The following NUP54 variants were observed in gnomAD, a reference collection of about 807,000 sequenced individuals.
The protein encoded by NUP54 is nucleoporin p54.
A neutral mutation model predicts 66.4 loss-of-function variants in NUP54; 27 were observed. That is an observed-to-expected ratio of 0.41 (90% confidence interval 0.30 to 0.56). NUP54 has a LOEUF of 0.56. Ranked by LOEUF, NUP54 falls within the 20% of genes least tolerant of loss-of-function variation. NUP54 has a pLI of 0.34. For synonymous variants in NUP54, 206 were observed against 210.7 expected (o/e 0.98, Z 0.19); for missense variants, 486 against 596.3 (o/e 0.82, Z 1.93).
In NUP54 at chr4:76,131,217, A is replaced by AAG; in HGVS notation, c.962+11_962+12dup. The stretch of plus-strand genomic sequence containing the variant: ...ATTAGTTCTTAAATGAAACAAGATG[A>AAG]AGACATACTTACTTTTCAGAATCAG... On this transcript the variant is annotated intron_variant, in intron 7 of 11. Coordinates refer to ENST00000264883, the MANE Select transcript of NUP54 (RefSeq NM_017426.4). 6.5e-7 allele frequency: 1 copy of AAG among 1,547,954 alleles called. No homozygotes were observed. Among genetic ancestry groups the AAG allele is most frequent in the Non-Finnish European group, 8.9e-7 (1 of 1,126,302 alleles).
intron 9 of NUP54, among the ~76,000 whole-genome samples, chr4:76,120,678 C>T (rs192723719): frequency 0.012 from 1,874 of 152,242 alleles, 40 homozygotes; most frequent in African/African-American, 0.042. Context: ...CCACCCGCCT[C>T]GGCCTCCCAG....
intron 3 of NUP54, among the ~76,000 whole-genome samples, chr4:76,138,273 G>A (rs958061065): frequency 6.6e-6 from 1 of 152,104 alleles, no homozygotes; most frequent in African/African-American, 2.4e-5. Context: ...TTTTACATGA[G>A]ATGAATCAAC....
chr4:76,124,779 G>T (rs1205923156), intron 8 of NUP54, 23 bp from the exon 9 acceptor site: 6 of 628,312 alleles, frequency 9.5e-6, no homozygotes, highest in South Asian at 1.5e-5. Context: ...AAATTGGGGG[G>T]GGGAGGGTTA....
At chr4:76,128,855 C>G (rs1730655318) in intron 8 of NUP54, among the ~76,000 whole-genome samples, 1 of 152,166 alleles carries the variant, frequency 6.6e-6, no homozygotes, top group Non-Finnish European at 1.5e-5. Context: ...TCTGCATGTT[C>G]TCACTCATAT....
chr4:76,132,480 A>T, intron 6 of NUP54, 43 bp downstream of exon 6: 1 of 1,480,330 alleles, frequency 6.8e-7, no homozygotes, highest in Non-Finnish European at 9.1e-7. Flanking sequence ...GTTTAGTTCT[A>T]AATCTTTCTT....
intron 3 of NUP54, among the ~76,000 whole-genome samples, chr4:76,137,331 G>C (rs1347128261): frequency 6.6e-6 from 1 of 152,008 alleles, no homozygotes; most frequent in Non-Finnish European, 1.5e-5. Flanking sequence ...TCCATTACCA[G>C]AACACAGATT....
rs1179289527 is a variant in NUP54, at chr4:76,115,149, G to C, written c.*217C>G. On this transcript the variant is annotated 3_prime_UTR_variant, in exon 12 of 12. Transcript: ENST00000264883. Reference sequence around the variant, plus strand: ...ATGCACTTCTTTTAAAGTAAATACAGCTTTTAGATATAAATCTTTCAAAGG... The same window carrying C: ...ATGCACTTCTTTTAAAGTAAATACACCTTTTAGATATAAATCTTTCAAAGG... 1 of 395,742 alleles carries C rather than the reference G, an allele frequency of 2.5e-6. No individual in the cohort carries two copies. The highest frequency in any genetic ancestry group is 4.4e-6 in the Non-Finnish European group (1 of 226,518). 24.5% of individuals were successfully genotyped at this position (395,742 alleles called of 1,614,324 possible). A position where few individuals can be genotyped will look rare whatever the true frequency, so the allele number is the denominator to read the frequency against.
intron 9 of NUP54, among the ~76,000 whole-genome samples, chr4:76,119,883 T>A (rs1226675079): frequency 1.3e-5 from 2 of 152,084 alleles, no homozygotes; most frequent in African/African-American, 4.8e-5. Flanking sequence ...TTTTTACTCA[T>A]CTAAGTTTTT....
rs760625154 is a variant in NUP54 at position 76,134,335 on chromosome 4, T to C, written c.550A>G (p.Asn184Asp). 6.2e-7 allele frequency: 1 copy of C among 1,613,692 alleles called. No individual in the cohort carries two copies. The highest frequency in any genetic ancestry group is 2.2e-5 in the East Asian group (1 of 44,808). Residue 184 changes from asparagine to aspartate, a missense_variant, in exon 5 of 12, where the codon AAT becomes GAT. Around this residue, in one of 4 missense-constraint regions of NUP54, gnomAD observed 217 missense variants for 247.9 expected, o/e 0.88. Transcript: ENST00000264883. ...KAVGYSCMPSNKDEDGLVVLV... is the reference protein window; with the variant it reads ...KAVGYSCMPSDKDEDGLVVLV... ...ACCACTAGCCCATCTTCATCTTTAT[T>C]ACTGGGCATGCAACTATAACCTACT... is the stretch of plus-strand genomic sequence containing the variant.
Position 76,117,793 on chromosome 4 carries a change from T to G in NUP54, c.1285-19A>C. The G allele has an allele frequency of 1.3e-6, 2 of 1,574,790 alleles. No individual in the cohort carries two copies. The highest frequency in any genetic ancestry group is 1.7e-6 in the Non-Finnish European group (2 of 1,144,936). The stretch of plus-strand genomic sequence containing the variant: ...GTCGGCCCTAAAAGTTAAGACTGAG[T>G]CAAATTACAACTGCCGACGAAGACT... On this transcript the variant is annotated intron_variant, in intron 10 of 11. Transcript: ENST00000264883.
intron 9 of NUP54, among the ~76,000 whole-genome samples, chr4:76,121,557 T>C (rs768696529): frequency 2.3e-4 from 35 of 152,206 alleles, no homozygotes; most frequent in Non-Finnish European, 2.8e-4. Context: ...CTCAAACTCC[T>C]GGGCTCAGGT....
rs1222815038 is a variant in NUP54, at chr4:76,120,369, A to C, written c.1165-2175T>G. On this transcript the variant is annotated intron_variant, in intron 9 of 11. Transcript: ENST00000264883. ...CCCTTTCCCCACATTCCTGTCAAGA[A>C]CAGGTGGTGGTGGTTTAAATTTTTC... is the stretch of plus-strand genomic sequence containing the variant. Among the ~76,000 whole-genome samples the C allele has an allele frequency of 1.3e-5, 2 of 151,992 alleles. 1 individual carries two copies. Among genetic ancestry groups the C allele is most frequent in the Non-Finnish European group, 2.9e-5 (2 of 67,994 alleles).
At chr4:76,136,140 G>A in intron 4 of NUP54, 46 bp downstream of exon 4, 1 of 1,302,336 alleles carries the variant, frequency 7.7e-7, no homozygotes, top group Non-Finnish European at 1.1e-6. Flanking sequence ...TATATTTTCT[G>A]TTATACAAAA....
chr4:76,116,443 C>T (rs1231427335), intron 11 of NUP54, among the ~76,000 whole-genome samples: 2 of 152,166 alleles, frequency 1.3e-5, no homozygotes, highest in African/African-American at 4.8e-5. Context: ...AGTTCATCAT[C>T]TTCATATATT....
At chr4:76,141,050 C>T (rs1460071761) in intron 3 of NUP54, among the ~76,000 whole-genome samples, 6 of 152,122 alleles carry the variant, frequency 3.9e-5, no homozygotes, top group Non-Finnish European at 2.9e-5. Context: ...GGACTTCTGG[C>T]GGTTGTCACA....
In NUP54 at chr4:76,118,707, A is replaced by T. The variant is rs1482147193; in HGVS notation, c.1165-513T>A. Among the ~76,000 whole-genome samples, 3 of 151,552 alleles carry T rather than the reference A, an allele frequency of 2.0e-5. 1 individual carries two copies. Among genetic ancestry groups the T allele is most frequent in the Middle Eastern group, 6.8e-3 (2 of 294 alleles). On this transcript the variant is annotated intron_variant, in intron 9 of 11. Transcript: ENST00000264883. ...CACTTTGCCAAGCCAACAATTTTAA[A>T]ACTATGGTATGGCTTGGCCGGGCGC... is the stretch of plus-strand genomic sequence containing the variant.
At position 76,131,419 on chromosome 4, in the gene NUP54, A is replaced by G. The variant is rs779781439; in HGVS notation, c.908-135T>C. ...AGTGACTGTCAAATATAATCATGGT[A>G]AAAATACAAATTTTTGCAGAATAAA... On this transcript the variant is annotated intron_variant, in intron 6 of 11. Transcript: ENST00000264883. The G allele has an allele frequency of 2.9e-4, 149 of 522,490 alleles. 1 individual carries two copies. Among genetic ancestry groups the G allele is most frequent in the Non-Finnish European group, 4.5e-4 (135 of 301,000 alleles). The allele number at this position is 522,490 out of a possible 1,614,324, so 32.4% of individuals were successfully genotyped here.
At chr4:76,147,361 G>C in intron 1 of NUP54, 1 of 578,170 alleles carries the variant, frequency 1.7e-6, no homozygotes, top group Non-Finnish European at 2.5e-6. Flanking sequence ...TCGAGATAAG[G>C]AAATAAATTT....
intron 8 of NUP54, among the ~76,000 whole-genome samples, chr4:76,126,667 GGAATTGATCCAAGAAAGAA>G (rs1730551330): frequency 8.0e-6 from 1 of 125,538 alleles, no homozygotes; most frequent in South Asian, 2.5e-4. Flanking sequence ...AAGCCATCTA[GGAATTGATCCAAGAAAGAA>G]CGCATGAGAT....
Sources: gnomAD v4.1 joint callset for allele counts (sites outside exome capture counted in the v4.1 genomes callset) on GRCh38, gnomAD v4.1.1 for gene constraint, gnomAD v4.1.1 regional missense constraint, MANE v1.5 for transcripts, NCBI Gene and HGNC (gene_info 2026-07-23, HGNC 2026-07-21) for gene names.